The following PLEKHA2 variants were observed in gnomAD, a reference collection of about 807,000 sequenced individuals.
The protein encoded by PLEKHA2 is pleckstrin homology domain containing A2.
Under a neutral mutation model 53.2 loss-of-function variants are expected in PLEKHA2, and 28 were observed. The ratio of observed to expected loss-of-function variants is 0.53; its 90% CI spans 0.39 to 0.72. The LOEUF is 0.72. Ranked by LOEUF, PLEKHA2 falls within the 30% of genes least tolerant of loss-of-function variation. PLEKHA2 has a pLI of 0.00. For synonymous variants in PLEKHA2, 193 were observed against 196.4 expected, an observed-to-expected ratio of 0.98 and a Z score of 0.14; for missense variants, 426 against 537.9, an observed-to-expected ratio of 0.79 and a Z score of 2.06.
intron 10 of PLEKHA2, among the ~76,000 whole-genome samples, chr8:38,960,604 A>G (rs752342553): frequency 1.2e-4 from 18 of 152,390 alleles, no homozygotes; most frequent in Non-Finnish European, 1.6e-4. Flanking sequence ...TTGCACATCT[A>G]TCTTTAATGG....
intron 1 of PLEKHA2, among the ~76,000 whole-genome samples, chr8:38,911,255 G>C (rs1402771892): frequency 7.8e-6 from 1 of 128,050 alleles, no homozygotes; most frequent in South Asian, 2.4e-4. Flanking sequence ...TTTTTTTTTT[G>C]AGAGGGAGTC....
intron 2 of PLEKHA2, among the ~76,000 whole-genome samples, chr8:38,928,556 G>T (rs894133344): frequency 2.0e-5 from 3 of 151,994 alleles, no homozygotes; most frequent in African/African-American, 4.8e-5. Flanking sequence ...GCCCGACCTG[G>T]TCTTTAAGTC....
At chr8:38,924,595 C>G (rs1834251736) in intron 2 of PLEKHA2, among the ~76,000 whole-genome samples, 1 of 152,198 alleles carries the variant, frequency 6.6e-6, no homozygotes, top group African/African-American at 2.4e-5. Flanking sequence ...CGGGCAGTCA[C>G]TGGCTCCAGC....
Position 38,914,460 on chromosome 8 carries a change from T to C in PLEKHA2, c.-23-3447T>C, listed in dbSNP as rs187681142. 2.1e-3 allele frequency among the ~76,000 whole-genome samples: 324 copies of C among 152,342 alleles called. 2 individuals carry two copies. The highest frequency in any genetic ancestry group is 7.6e-3 in the African/African-American group (314 of 41,588). On this transcript the variant is annotated intron_variant, in intron 1 of 11. Transcript: ENST00000617275. ...CTCTGGGCCTGCAGTACCGGGGCTG[T>C]TGGGTCTCTCTAGCTCACCTGCTGA...
intron 1 of PLEKHA2, among the ~76,000 whole-genome samples, chr8:38,903,032 A>C (rs1833816460): frequency 6.6e-6 from 1 of 152,242 alleles, no homozygotes; most frequent in Non-Finnish European, 1.5e-5. Flanking sequence ...GACATGTACC[A>C]GGTGCTAAGT....
rs1462061902 is a variant in PLEKHA2 at position 38,952,183 on chromosome 8, G to A, written c.504G>A (p.Gln168=). ...TPISQNGGDG[Q]EGSEPGSHTI... ...CCTTGCAGAACGGTGGGGATGGGCAGGAAGGGAGTGAGCCCGGGTCCCACA... is the reference window on the plus strand; with the variant it reads ...CCTTGCAGAACGGTGGGGATGGGCAAGAAGGGAGTGAGCCCGGGTCCCACA... Residue 168 remains glutamine, a synonymous_variant, in exon 7 of 12, where the codon CAG becomes CAA. Coordinates refer to ENST00000617275, the MANE Select transcript of PLEKHA2 (RefSeq NM_021623.2). 1.9e-6 allele frequency: 3 copies of A among 1,613,114 alleles called. No homozygotes were observed. In the African/African-American group the frequency reaches 4.0e-5, roughly 22 times the overall value.
rs779929776 is a variant in PLEKHA2, at chr8:38,950,968, T to C, written c.464T>C (p.Val155Ala). ...AAGACGGAGATCATTGGAGGGGTGGTGGTCCACACACCCATCAGCCAGGTG... is the reference window on the plus strand; with the variant it reads ...AAGACGGAGATCATTGGAGGGGTGGCGGTCCACACACCCATCAGCCAGGTG... ...AYKTEIIGGV[V>A]VHTPISQNGG... Residue 155 changes from valine to alanine, a missense_variant, in exon 6 of 12, where the codon GTG becomes GCG. Val to Ala is a moderately conservative substitution (Grantham distance 64, BLOSUM62 0). Coordinates refer to ENST00000617275, the MANE Select transcript of PLEKHA2 (RefSeq NM_021623.2). 1.9e-6 allele frequency: 3 copies of C among 1,613,520 alleles called. No individual in the cohort carries two copies. The highest frequency in any genetic ancestry group is 1.7e-6 in the Non-Finnish European group (2 of 1,179,770).
At chr8:38,938,156 G>C (rs1588255665) in intron 3 of PLEKHA2, among the ~76,000 whole-genome samples, 2 of 152,218 alleles carry the variant, frequency 1.3e-5, no homozygotes, top group Admixed American at 1.3e-4. Flanking sequence ...CTGTGTCCCA[G>C]TTGTCAGGGC....
intron 2 of PLEKHA2, among the ~76,000 whole-genome samples, chr8:38,924,101 C>A (rs1375296587): frequency 6.6e-6 from 1 of 152,106 alleles, no homozygotes; most frequent in Non-Finnish European, 1.5e-5. Context: ...ATCCACCCAC[C>A]TCGGCATCCA....
At chr8:38,964,048 A>G (rs1835087766) in intron 10 of PLEKHA2, among the ~76,000 whole-genome samples, 1 of 152,220 alleles carries the variant, frequency 6.6e-6, no homozygotes, top group Non-Finnish European at 1.5e-5. Context: ...TTGGCAAATG[A>G]AATTTATATT....
chr8:38,937,538 C>A (rs957103858), intron 3 of PLEKHA2, among the ~76,000 whole-genome samples: 1 of 152,012 alleles, frequency 6.6e-6, no homozygotes, highest in Non-Finnish European at 1.5e-5. Context: ...TGAATTCAGT[C>A]TCCTGCTGAA....
Position 38,929,016 on chromosome 8 carries a change from C to G in PLEKHA2, c.142-6978C>G, listed in dbSNP as rs77094813. ...GCAGCTATGCTCCTCCTTCCCAGTC[C>G]TGTCACACCGTTCTCCTACATTCAA... is the stretch of plus-strand genomic sequence containing the variant. On this transcript the variant is annotated intron_variant, in intron 2 of 11. Transcript: ENST00000617275. Among the ~76,000 whole-genome samples the G allele has an allele frequency of 1.6e-3, 247 of 152,326 alleles. 5 individuals carry two copies. In the East Asian group the frequency reaches 0.044, roughly 27 times the overall value.
chr8:38,949,081 G>C (rs2129421711), intron 5 of PLEKHA2, among the ~76,000 whole-genome samples: 1 of 152,258 alleles, frequency 6.6e-6, no homozygotes, highest in East Asian at 1.9e-4. Context: ...ATATTGGTCA[G>C]GCTAGTCTCG....
intron 10 of PLEKHA2, among the ~76,000 whole-genome samples, chr8:38,958,968 CTG>C (rs944545917): frequency 2.0e-5 from 3 of 152,138 alleles, no homozygotes; most frequent in Admixed American, 6.5e-5. Flanking sequence ...CCGTATGACA[CTG>C]TGATGGTGGG....
chr8:38,902,227 G>GC lies in PLEKHA2; in HGVS notation c.-24+782_-24+783insC, dbSNP rs1016681058. On this transcript the variant is annotated intron_variant, in intron 1 of 11. Transcript: ENST00000617275. ...AAAGAGAAAAGAAGGGTGTGGGGGGGGGTGGTGGGAAGCTAGGCCGTTTAG... is the reference window on the plus strand; with the variant it reads ...AAAGAGAAAAGAAGGGTGTGGGGGGGCGGTGGTGGGAAGCTAGGCCGTTTAG... Among the ~76,000 whole-genome samples, 126 of 135,626 alleles carry GC rather than the reference G, an allele frequency of 9.3e-4. 4 individuals are homozygous for GC. Among genetic ancestry groups the GC allele is most frequent in the South Asian group, 8.3e-4 (3 of 3,594 alleles). 89.0% of individuals were successfully genotyped at this position (135,626 alleles called of 152,430 possible).
intron 6 of PLEKHA2, 55 bp downstream of exon 6, chr8:38,951,045 T>C: frequency 1.4e-6 from 2 of 1,417,544 alleles, no homozygotes; most frequent in Non-Finnish European, 1.9e-6. Context: ...GTGTCCATGG[T>C]GTGCCCATGA....
At position 38,969,856 on chromosome 8, in the gene PLEKHA2, A is replaced by G. The variant is rs1403628071; in HGVS notation, c.*73A>G. 6.5e-7 allele frequency: 1 copy of G among 1,528,772 alleles called. No individual in the cohort carries two copies. Among genetic ancestry groups the G allele is most frequent in the African/African-American group, 1.4e-5 (1 of 71,378 alleles). The allele number at this position is 1,528,772 out of a possible 1,614,324, so 94.7% of individuals were successfully genotyped here. On this transcript the variant is annotated 3_prime_UTR_variant, in exon 12 of 12. Transcript: ENST00000617275. Reference sequence around the variant, plus strand: ...AAGGAGGCTGTGACTCAGTTTCTCTACCTTGTTGGAGGGTAGTCAGAGGCC... The same window carrying G: ...AAGGAGGCTGTGACTCAGTTTCTCTGCCTTGTTGGAGGGTAGTCAGAGGCC...
intron 2 of PLEKHA2, among the ~76,000 whole-genome samples, chr8:38,921,733 G>A (rs1468313177): frequency 2.0e-5 from 3 of 152,216 alleles, no homozygotes; most frequent in Non-Finnish European, 2.9e-5. Context: ...CTAACTAGTG[G>A]CCCACTGCTG....
In PLEKHA2 at chr8:38,957,423, T is replaced by C. The variant is rs775145561; in HGVS notation, c.837+37T>C. On this transcript the variant is annotated intron_variant, in intron 10 of 11. Transcript: ENST00000617275. ...CCTTCCAGAAGACTCCAGCATTCTGTTTCTGTGAATGGTGCCCTCACAGGC... is the reference window on the plus strand; with the variant it reads ...CCTTCCAGAAGACTCCAGCATTCTGCTTCTGTGAATGGTGCCCTCACAGGC... 12 of 1,534,984 alleles carry C rather than the reference T, an allele frequency of 7.8e-6. No homozygotes were observed. The South Asian group carries it at 1.3e-4, about 17-fold the overall frequency.
Sources: allele counts gnomAD v4.1 joint callset (sites outside exome capture counted in the v4.1 genomes callset), GRCh38; gene constraint gnomAD v4.1.1; transcripts MANE v1.5; gene names NCBI Gene and HGNC (gene_info 2026-07-23, HGNC 2026-07-21).